TSPAN19: variants seen among roughly 807,000 people sequenced by gnomAD.
TSPAN19 encodes tetraspanin-19.
In TSPAN19, 44 loss-of-function variants were observed where a neutral mutation model predicts 35.1. That is an observed-to-expected ratio of 1.25 (90% CI 0.98 to 1.61). The LOEUF is 1.61. TSPAN19 is among the 40% of genes most tolerant of loss of function. The pLI, the probability that TSPAN19 is intolerant of heterozygous loss-of-function variation, is 0.00. For missense variants in TSPAN19, 290 were observed against 280.0 expected, an observed-to-expected ratio of 1.04 and a Z score of -0.26; for synonymous variants, 79 against 92.0, an observed-to-expected ratio of 0.86 and a Z score of 0.81.
intron 7 of TSPAN19, 104 bp from the exon 8 acceptor site, chr12:85,016,075 G>A (rs1876776970): frequency 1.4e-6 from 1 of 693,176 alleles, no homozygotes; most frequent in Non-Finnish European, 2.2e-6. Flanking sequence ...ATTTACCAAA[G>A]TCTAAATAGT....
chr12:85,034,794 C>T (rs1202398891), intron 1 of TSPAN19, among the ~76,000 whole-genome samples: 1 of 152,088 alleles, frequency 6.6e-6, no homozygotes, highest in Non-Finnish European at 1.5e-5. Context: ...GTCCTTTCTT[C>T]CAAAGTAAAA....
At chr12:85,023,241 A>G in intron 5 of TSPAN19, 85 bp downstream of exon 5, 1 of 1,146,720 alleles carries the variant, frequency 8.7e-7, no homozygotes, top group Non-Finnish European at 1.3e-6. Flanking sequence ...TTAATATAGG[A>G]TCAATGGTCT....
chr12:85,019,695 A>C lies in TSPAN19; in HGVS notation c.381T>G (p.Ser127=). The C allele has an allele frequency of 6.2e-7, 1 of 1,608,698 alleles. No individual in the cohort carries two copies. The highest frequency in any genetic ancestry group is 1.7e-5 in the Admixed American group (1 of 58,890). Residue 127 remains serine, a synonymous_variant, in exon 6 of 9, where the codon TCT becomes TCG. Transcript: ENST00000532498. Reference sequence around the variant, plus strand: ...CAGGCTTATCTTTAGATCCATACTCAGAAATGACAAAATCAATTTTGTCAT... The same window carrying C: ...CAGGCTTATCTTTAGATCCATACTCCGAAATGACAAAATCAATTTTGTCAT... ...LWHDKIDFVI[S]EYGSKDKPED... is the part of the protein sequence containing the mutation.
intron 6 of TSPAN19, among the ~76,000 whole-genome samples, chr12:85,018,439 T>C (rs1009904522): frequency 6.6e-6 from 1 of 151,900 alleles, no homozygotes; most frequent in Admixed American, 6.6e-5. Context: ...TATTAATGGC[T>C]AGGAATTGAA....
chr12:85,020,881 G>A (rs780125583), intron 5 of TSPAN19, among the ~76,000 whole-genome samples: 86 of 151,908 alleles, frequency 5.7e-4, no homozygotes, highest in Non-Finnish European at 1.1e-3. Context: ...AATTTGTTAT[G>A]CTTTTCATTT....
In TSPAN19 at chr12:85,036,216, G is replaced by A. The variant is rs528384861; in HGVS notation, c.-40C>T. 1 of 152,248 alleles carries A rather than the reference G, an allele frequency of 6.6e-6. No individual in the cohort carries two copies. Among genetic ancestry groups the A allele is most frequent in the African/African-American group, 2.4e-5 (1 of 41,562 alleles). 9.4% of individuals were successfully genotyped at this position (152,248 alleles called of 1,614,324 possible). ...TATTAAAATCTACCTGTAAAAAACC[G>A]TAAGCTCCTCATCCAGTCCCTGAAA... is the stretch of plus-strand genomic sequence containing the variant. On this transcript the variant is annotated 5_prime_UTR_variant, in exon 1 of 9. It adds an upstream start codon to the 5' untranslated region. Coordinates refer to ENST00000532498, the MANE Select transcript of TSPAN19 (RefSeq NM_001100917.2).
intron 3 of TSPAN19, among the ~76,000 whole-genome samples, chr12:85,028,646 C>T (rs917492685): frequency 5.3e-5 from 8 of 152,176 alleles, no homozygotes; most frequent in African/African-American, 1.9e-4. Flanking sequence ...TATGGGAGAA[C>T]AGTGTAGGCA....
rs772055639 is a variant in TSPAN19, at chr12:85,017,566, A to G, written c.484T>C (p.Trp162Arg). 5 of 1,590,470 alleles carry G rather than the reference A, an allele frequency of 3.1e-6. No homozygotes were observed. The highest frequency in any genetic ancestry group is 4.3e-6 in the Non-Finnish European group (5 of 1,166,926). Residue 162 changes from tryptophan to arginine, a missense_variant, in exon 7 of 9, where the codon TGG (tryptophan) becomes CGG (arginine). Coordinates refer to ENST00000532498, the MANE Select transcript of TSPAN19 (RefSeq NM_001100917.2). ...TTTTCTTTGTTCTTATTCTTTATCC[A>G]GTCTGTGTAATTATGTTGGCCACAA... ...QCCGQHNYTDWIKNKNKENSG... is the reference protein window; with the variant it reads ...QCCGQHNYTDRIKNKNKENSG...
chr12:85,021,114 T>C (rs911110168), intron 5 of TSPAN19, among the ~76,000 whole-genome samples: 3 of 152,092 alleles, frequency 2.0e-5, no homozygotes, highest in Admixed American at 2.0e-4. Context: ...ACTAATTTGG[T>C]CCTCAATAAT....
At chr12:85,034,042 G>C (rs936814316) in intron 1 of TSPAN19, among the ~76,000 whole-genome samples, 1 of 152,098 alleles carries the variant, frequency 6.6e-6, no homozygotes, top group African/African-American at 2.4e-5. Flanking sequence ...ATTTTTCTGT[G>C]AAGTGGTTGG....
At position 85,019,682 on chromosome 12, in the gene TSPAN19, T is replaced by C. The variant is rs544725694; in HGVS notation, c.394A>G (p.Lys132Glu). The C allele has an allele frequency of 3.6e-5, 58 of 1,610,388 alleles. 2 individuals are homozygous for C. In the South Asian group the frequency reaches 6.1e-4, roughly 17 times the overall value. Reference sequence around the variant, plus strand: ...TTGGTTATATCTTCAGGCTTATCTTTAGATCCATACTCAGAAATGACAAAA... The same window carrying C: ...TTGGTTATATCTTCAGGCTTATCTTCAGATCCATACTCAGAAATGACAAAA... ...IDFVISEYGS[K>E]DKPEDITKWT... is the part of the protein sequence containing the mutation. The change falls in exon 6 of 9, where the codon AAA becomes GAA. Residue 132 changes from lysine to glutamate, a missense_variant. Physicochemically the swap from Lys to Glu is moderately conservative, Grantham distance 56. Transcript: ENST00000532498.
Position 85,017,445 on chromosome 12 carries a change from T to G in TSPAN19, c.594+11A>C, listed in dbSNP as rs759425996. 1 of 1,602,942 alleles carries G rather than the reference T, an allele frequency of 6.2e-7. No homozygotes were observed. The highest frequency in any genetic ancestry group is 1.1e-5 in the South Asian group (1 of 88,828). On this transcript the variant is annotated intron_variant, in intron 7 of 8. Coordinates refer to ENST00000532498, the MANE Select transcript of TSPAN19 (RefSeq NM_001100917.2). Reference sequence around the variant, plus strand: ...CTATAAATACTTGTAGAAGCCTAGATTTATCTTTACCTCAAGGTAAGTTGC... The same window carrying G: ...CTATAAATACTTGTAGAAGCCTAGAGTTATCTTTACCTCAAGGTAAGTTGC...
chr12:85,019,780 T>C (rs765854668), intron 5 of TSPAN19, 44 bp from the exon 6 acceptor site: 1 of 1,121,318 alleles, frequency 8.9e-7, no homozygotes, highest in African/African-American at 1.6e-5. Context: ...TAGGAATGTA[T>C]CCATAAAAAT....
intron 1 of TSPAN19, among the ~76,000 whole-genome samples, chr12:85,033,729 A>C (rs745553411): frequency 6.6e-6 from 1 of 152,154 alleles, no homozygotes; most frequent in Non-Finnish European, 1.5e-5. Context: ...TAAATGGCAG[A>C]GATGAGATTT....
Position 85,017,378 on chromosome 12 carries a change from C to T in TSPAN19, c.594+78G>A, listed in dbSNP as rs1232816170. 6 of 1,331,090 alleles carry T rather than the reference C, an allele frequency of 4.5e-6. No homozygotes were observed. The Admixed American group carries it at 1.3e-4, about 29-fold the overall frequency. 82.5% of individuals were successfully genotyped at this position (1,331,090 alleles called of 1,614,324 possible). A position where few individuals can be genotyped will look rare whatever the true frequency, so the allele number is the denominator to read the frequency against. ...AACATTATTTTTATATAAAAATTTG[C>T]TCAGAATTCTAAATTGACTTGCAAA... On this transcript the variant is annotated intron_variant, in intron 7 of 8. Transcript: ENST00000532498.
chr12:85,021,604 T>A (rs929646555), intron 5 of TSPAN19, among the ~76,000 whole-genome samples: 4 of 152,092 alleles, frequency 2.6e-5, no homozygotes. Flanking sequence ...ATGTGACTAA[T>A]GTATAAATAA....
At chr12:85,028,108 C>T (rs1369767286) in intron 3 of TSPAN19, 85 bp from the exon 4 acceptor site, 6 of 1,182,160 alleles carry the variant, frequency 5.1e-6, no homozygotes, top group Admixed American at 3.4e-5. Context: ...AGAATAATTG[C>T]AGCAATCAAA....
At chr12:85,022,664 C>G (rs1293772757) in intron 5 of TSPAN19, among the ~76,000 whole-genome samples, 1 of 152,078 alleles carries the variant, frequency 6.6e-6, no homozygotes, top group Non-Finnish European at 1.5e-5. Context: ...ACTTCAAGTA[C>G]ATGTTCATTT....
chr12:85,020,748 C>T (rs992905593), intron 5 of TSPAN19, among the ~76,000 whole-genome samples: 7 of 151,990 alleles, frequency 4.6e-5, no homozygotes, highest in Non-Finnish European at 1.0e-4. Flanking sequence ...TAGTTTATTA[C>T]CATTAGATTA....
Sources: gnomAD v4.1 joint callset for allele counts (sites outside exome capture counted in the v4.1 genomes callset) on GRCh38, gnomAD v4.1.1 for gene constraint, MANE v1.5 for transcripts, NCBI Gene and HGNC (gene_info 2026-07-23, HGNC 2026-07-21) for gene names.